GRM7: variants seen among roughly 807,000 people sequenced by gnomAD.
GRM7 encodes the protein metabotropic glutamate receptor 7.
In GRM7, 35 loss-of-function variants were observed where a neutral mutation model predicts 84.5. That is an observed-to-expected ratio of 0.41 (90% CI 0.32 to 0.55). The LOEUF (loss-of-function observed/expected upper bound fraction) is 0.55, where lower values mean the gene tolerates loss of function less well. Ranked by LOEUF, GRM7 falls within the 20% of genes least tolerant of loss-of-function variation. The probability of loss-of-function intolerance (pLI) is 0.19; values close to 1 mark genes in which losing one functional copy is unlikely to be tolerated. For synonymous variants in GRM7, 487 were observed against 455.1 expected (o/e 1.07, Z -0.89); for missense variants, 1,003 against 1,194.6 (o/e 0.84, Z 2.36).
chr3:7,183,862 G>A (rs912675955), intron 2 of GRM7, among the ~76,000 whole-genome samples: 3 of 152,048 alleles, frequency 2.0e-5, no homozygotes, highest in Non-Finnish European at 4.4e-5. Context: ...AAATCAGTAT[G>A]AAAACATTGA....
chr3:7,617,214 A>G lies in GRM7; in HGVS notation c.2451+37857A>G, dbSNP rs116354055. Among the ~76,000 whole-genome samples, 430 of 152,268 alleles carry G rather than the reference A, an allele frequency of 2.8e-3. 2 individuals are homozygous for G. The highest frequency in any genetic ancestry group is 9.9e-3 in the African/African-American group (410 of 41,572). On this transcript the variant is annotated intron_variant, in intron 8 of 9. Transcript: ENST00000357716. ...AAGCTTAACGTTCCAATAATGAAAC[A>G]CTAGGCATAAATAGGTTAACGGGAC...
At chr3:7,448,011 G>A (rs1180935953) in intron 5 of GRM7, among the ~76,000 whole-genome samples, 2 of 148,284 alleles carry the variant, frequency 1.3e-5, no homozygotes, top group Non-Finnish European at 3.0e-5. Flanking sequence ...TTGGTTTTTT[G>A]TCCTTGCGAT....
intron 2 of GRM7, among the ~76,000 whole-genome samples, chr3:7,148,519 G>A (rs896277106): frequency 2.0e-5 from 3 of 152,158 alleles, no homozygotes; most frequent in African/African-American, 7.2e-5. Flanking sequence ...TCTGTAAAGT[G>A]CAGCTTTCCT....
intron 4 of GRM7, among the ~76,000 whole-genome samples, chr3:7,375,308 T>C (rs939317378): frequency 1.6e-4 from 23 of 143,800 alleles, no homozygotes; most frequent in African/African-American, 4.7e-4. Context: ...AACCTCTGCC[T>C]CCCAGGTTCA....
chr3:7,363,349 A>G (rs1286271036), intron 4 of GRM7, among the ~76,000 whole-genome samples: 2 of 152,158 alleles, frequency 1.3e-5, no homozygotes, highest in Admixed American at 1.3e-4. Context: ...ACCTGACAAT[A>G]GTCAATCCAG....
intron 1 of GRM7, among the ~76,000 whole-genome samples, chr3:7,122,882 T>G (rs1002703464): frequency 6.6e-6 from 1 of 152,072 alleles, no homozygotes; most frequent in African/African-American, 2.4e-5. Flanking sequence ...TAACAGGCAC[T>G]TTATTGTGGG....
chr3:7,686,599 G>A (rs1181961104), intron 9 of GRM7, among the ~76,000 whole-genome samples: 1 of 152,140 alleles, frequency 6.6e-6, no homozygotes, highest in Non-Finnish European at 1.5e-5. Flanking sequence ...TAAGCTTAGT[G>A]CCAGCAGCTG....
Position 7,146,642 on chromosome 3 carries a change from C to A in GRM7, c.710C>A (p.Ser237Tyr). 1.2e-6 allele frequency: 2 copies of A among 1,613,284 alleles called. No homozygotes were observed. Among genetic ancestry groups the A allele is most frequent in the South Asian group, 2.2e-5 (2 of 91,064 alleles). The part of the protein sequence containing the change: ...EGSYGEKGVE[S>Y]FTQISKEAGG... ...AGTTATGGAGAGAAAGGTGTGGAGT[C>A]CTTCACGCAGATTTCCAAAGAGGCA... The change falls in exon 2 of 10, where the codon TCC (serine) becomes TAC (tyrosine). Residue 237 changes from serine (S) to tyrosine (Y), a missense_variant. This residue lies in a region of GRM7 where 910 missense variants were observed against 1,126.0 expected (regional missense o/e 0.81). Transcript: ENST00000357716.
chr3:7,632,406 T>C (rs1697897563), intron 8 of GRM7, among the ~76,000 whole-genome samples: 1 of 152,140 alleles, frequency 6.6e-6, no homozygotes, highest in African/African-American at 2.4e-5. Flanking sequence ...AGTAAAGGAA[T>C]AAAGAATAAT....
intron 1 of GRM7, among the ~76,000 whole-genome samples, chr3:6,992,611 C>A (rs1258328132): frequency 6.6e-6 from 1 of 152,154 alleles, no homozygotes; most frequent in Admixed American, 6.6e-5. Context: ...AAGCTGTTAG[C>A]AACCTTGGGC....
chr3:6,981,413 T>TA (rs956150578), intron 1 of GRM7, among the ~76,000 whole-genome samples: 2 of 152,126 alleles, frequency 1.3e-5, no homozygotes, highest in African/African-American at 4.8e-5. Context: ...CCATCCCTGC[T>TA]AAAAAAATAC....
In GRM7 at chr3:7,038,768, C is replaced by G. The variant is rs536048404; in HGVS notation, c.520-107684C>G. 2.0e-5 allele frequency among the ~76,000 whole-genome samples: 3 copies of G among 152,218 alleles called. No individual in the cohort carries two copies. The East Asian group carries it at 5.8e-4, about 29-fold the overall frequency. ...TCATTTTATTTTACTGATGAGGAAG[C>G]TGAGGCAGGTGAGACTTAGAGGATT... On this transcript the variant is annotated intron_variant, in intron 1 of 9. Transcript: ENST00000357716.
chr3:7,621,037 T>G (rs1214110554), intron 8 of GRM7, among the ~76,000 whole-genome samples: 1 of 152,094 alleles, frequency 6.6e-6, no homozygotes, highest in African/African-American at 2.4e-5. Flanking sequence ...TCCTCCTTTT[T>G]ATACTGTAGA....
intron 1 of GRM7, among the ~76,000 whole-genome samples, chr3:6,943,706 T>C (rs956905759): frequency 6.6e-6 from 1 of 152,082 alleles, no homozygotes; most frequent in Non-Finnish European, 1.5e-5. Context: ...AGACTTAGCT[T>C]GTCAATTTTA....
chr3:7,199,072 C>T (rs994884455), intron 2 of GRM7, among the ~76,000 whole-genome samples: 5 of 152,186 alleles, frequency 3.3e-5, no homozygotes, highest in Non-Finnish European at 5.9e-5. Context: ...TTTCTCCCTT[C>T]CTGTCAGTGG....
rs190783159 is a variant in GRM7, at chr3:7,478,276, T to C, written c.1515+16554T>C. On this transcript the variant is annotated intron_variant, in intron 7 of 9. Coordinates refer to ENST00000357716, the MANE Select transcript of GRM7 (RefSeq NM_000844.4). ...TGACCTGTTGAAAAACCGTATGTTC[T>C]TGCTGTCTTAGGTGGAAATCTTTCC... 4.6e-3 allele frequency among the ~76,000 whole-genome samples: 708 copies of C among 152,280 alleles called. 3 individuals are homozygous for C. The highest frequency in any genetic ancestry group is 0.017 in the African/African-American group (687 of 41,566).
intron 1 of GRM7, among the ~76,000 whole-genome samples, chr3:6,944,249 G>A (rs1027481690): frequency 2.0e-5 from 3 of 152,012 alleles, no homozygotes; most frequent in Non-Finnish European, 2.9e-5. Context: ...TTCTTGTATT[G>A]TTCCTCATCT....
At chr3:7,196,367 A>C (rs954411712) in intron 2 of GRM7, among the ~76,000 whole-genome samples, 3 of 152,044 alleles carry the variant, frequency 2.0e-5, no homozygotes, top group Non-Finnish European at 2.9e-5. Context: ...ATATTTGGCC[A>C]CTCATCTGGA....
intron 5 of GRM7, among the ~76,000 whole-genome samples, chr3:7,435,169 T>G (rs891385841): frequency 2.6e-5 from 4 of 152,054 alleles, no homozygotes; most frequent in Non-Finnish European, 5.9e-5. Context: ...ATTTTCTTTT[T>G]TTTTTTGGGC....
Sources: allele counts gnomAD v4.1 joint callset (sites outside exome capture counted in the v4.1 genomes callset), GRCh38; gene constraint gnomAD v4.1.1; regional missense constraint gnomAD v4.1.1; transcripts MANE v1.5; gene names NCBI Gene and HGNC (gene_info 2026-07-23, HGNC 2026-07-21).